COL27A1: variants seen among roughly 807,000 people sequenced by gnomAD.
The protein encoded by COL27A1 is collagen type XXVII alpha 1 chain, also known as collagen alpha-1(XXVII) chain.
Under a neutral mutation model 251.3 loss-of-function variants are expected in COL27A1, and 106 were observed. The ratio of observed to expected loss-of-function variants is 0.42; its 90% CI spans 0.36 to 0.50. The LOEUF is 0.50. Ranked by LOEUF, COL27A1 falls within the 20% of genes least tolerant of loss-of-function variation. The pLI is 0.00. For synonymous variants in COL27A1, 1,000 were observed against 986.3 expected (o/e 1.01, Z -0.26); for missense variants, 2,325 against 2,522.8 (o/e 0.92, Z 1.68).
chr9:114,248,770 A>T (rs1344433234), intron 24 of COL27A1, among the ~76,000 whole-genome samples: 3 of 152,002 alleles, frequency 2.0e-5, no homozygotes, highest in Admixed American at 1.3e-4. Context: ...GAGGTTTATG[A>T]CCCGCTTGCC....
chr9:114,228,195 A>T (rs1831644507), intron 14 of COL27A1, among the ~76,000 whole-genome samples: 2 of 152,194 alleles, frequency 1.3e-5, no homozygotes, highest in South Asian at 4.1e-4. Flanking sequence ...CCGAGGCCCC[A>T]CAAAGGTGAC....
chr9:114,286,101 T>C (rs1827462719), intron 41 of COL27A1, among the ~76,000 whole-genome samples: 1 of 152,136 alleles, frequency 6.6e-6, no homozygotes, highest in Non-Finnish European at 1.5e-5. Context: ...TATGGAGGAT[T>C]TAGTGTGTTC....
In COL27A1 at chr9:114,217,335, C is replaced by T. The variant is rs540111648; in HGVS notation, c.2368-2456C>T. Among the ~76,000 whole-genome samples the T allele has an allele frequency of 7.9e-5, 12 of 152,302 alleles. No homozygotes were observed. In the East Asian group the frequency reaches 2.3e-3, roughly 30 times the overall value. On this transcript the variant is annotated intron_variant, in intron 12 of 60. Coordinates refer to ENST00000356083, the MANE Select transcript of COL27A1 (RefSeq NM_032888.4). ...GCACCCTTCATGTGGCATCTCAGCT[C>T]ATCCTCACAGCACTCCCTTTTGGAT...
chr9:114,182,107 G>C (rs1827963822), intron 4 of COL27A1, among the ~76,000 whole-genome samples: 1 of 151,770 alleles, frequency 6.6e-6, no homozygotes, highest in South Asian at 2.1e-4. Flanking sequence ...AGAAGGCCAA[G>C]GCAGGAGGAT....
At chr9:114,210,291 G>T (rs1299009643) in intron 11 of COL27A1, among the ~76,000 whole-genome samples, 1 of 152,218 alleles carries the variant, frequency 6.6e-6, no homozygotes, top group Non-Finnish European at 1.5e-5. Context: ...GACAGAGACC[G>T]TATGGCCCAC....
At chr9:114,307,083 GTC>G in intron 58 of COL27A1, 1 of 200,960 alleles carries the variant, frequency 5.0e-6, no homozygotes, top group South Asian at 8.8e-5. Context: ...GAGTTCCAAT[GTC>G]AGTTCTGCCT....
chr9:114,307,549 C>T, intron 58 of COL27A1, 120 bp from the exon 59 acceptor site: 1 of 733,630 alleles, frequency 1.4e-6, no homozygotes, highest in Admixed American at 1.9e-5. Flanking sequence ...TGCTCACCCA[C>T]CCTGACTTCA....
intron 39 of COL27A1, among the ~76,000 whole-genome samples, chr9:114,283,361 TGA>T (rs1170837472): frequency 6.6e-6 from 1 of 152,254 alleles, no homozygotes; most frequent in Non-Finnish European, 1.5e-5. Flanking sequence ...AGATGAGTTT[TGA>T]GTATCCTCTA....
At chr9:114,171,018 G>C (rs1485003635) in intron 3 of COL27A1, among the ~76,000 whole-genome samples, 2 of 152,230 alleles carry the variant, frequency 1.3e-5, no homozygotes, top group African/African-American at 4.8e-5. Context: ...GTGGTGTGGA[G>C]AGAGGAGCGG....
chr9:114,309,301 C>A lies in COL27A1; in HGVS notation c.5259C>A (p.His1753Gln), dbSNP rs539865295. The change falls in exon 60 of 61, where the codon CAC (histidine) becomes CAA (glutamine). Residue 1753 changes from histidine to glutamine, a missense_variant. Physicochemically the swap from His to Gln is conservative, Grantham distance 24. Around this residue, in one of 4 missense-constraint regions of COL27A1, gnomAD observed 327 missense variants for 442.8 expected, o/e 0.74. Coordinates refer to ENST00000356083, the MANE Select transcript of COL27A1 (RefSeq NM_032888.4). ...GCCGGGTCCAGATGAATTTCCTGCA[C>A]CTGCTAAGCTCCGAGGTGACCCAGC... is the stretch of plus-strand genomic sequence containing the variant. The part of the protein sequence containing the change: ...AISRVQMNFL[H>Q]LLSSEVTQHI... 6.2e-6 allele frequency: 10 copies of A among 1,614,130 alleles called. No individual in the cohort carries two copies. In the South Asian group the frequency reaches 9.9e-5, roughly 16 times the overall value.
rs75458112 is a variant in COL27A1 at position 114,181,898 on chromosome 9, C to T, written c.1963-1124C>T. Among the ~76,000 whole-genome samples the T allele has an allele frequency of 5.2e-3, 797 of 152,332 alleles. 6 individuals are homozygous for T. The highest frequency in any genetic ancestry group is 0.014 in the Middle Eastern group (4 of 294). On this transcript the variant is annotated intron_variant, in intron 4 of 60. Transcript: ENST00000356083. ...TCTGGGTCCAGTGTTCCCAGGTGCT[C>T]TGTGGTCTCTGGAAGACCTTGAAAG...
intron 3 of COL27A1, among the ~76,000 whole-genome samples, chr9:114,174,441 G>A (rs1849543414): frequency 6.6e-6 from 1 of 152,144 alleles, no homozygotes; most frequent in Non-Finnish European, 1.5e-5. Flanking sequence ...GGCCATGGGC[G>A]AATACAGCTG....
intron 36 of COL27A1, chr9:114,271,101 T>G (rs1835107178): frequency 2.7e-6 from 1 of 371,772 alleles, no homozygotes. Flanking sequence ...AGAGCCAGAG[T>G]CTTTGGTCTC....
chr9:114,239,749 A>G (rs1191301917), intron 19 of COL27A1, among the ~76,000 whole-genome samples: 1 of 152,248 alleles, frequency 6.6e-6, no homozygotes, highest in Non-Finnish European at 1.5e-5. Context: ...TAAGCTTACG[A>G]TGACTGGAGC....
chr9:114,237,586 C>A, intron 18 of COL27A1, 76 bp from the exon 19 acceptor site: 1 of 1,233,116 alleles, frequency 8.1e-7, no homozygotes, highest in Non-Finnish European at 1.2e-6. Flanking sequence ...CATCCACAAC[C>A]AGCGGGGGAA....
chr9:114,231,848 C>G lies in COL27A1; in HGVS notation c.2547C>G (p.Pro849=), dbSNP rs144760825. 3 of 1,614,140 alleles carry G rather than the reference C, an allele frequency of 1.9e-6. No homozygotes were observed. Among genetic ancestry groups the G allele is most frequent in the South Asian group, 2.2e-5 (2 of 91,074 alleles). ...MKGLMGSVGE[P]GLKGDKGEQG... is the part of the protein sequence containing the mutation. ...GACTGATGGGCAGCGTGGGGGAGCC[C>G]GGACTGAAAGGTGATAAGGTGATCT... The change falls in exon 16 of 61, where the codon CCC becomes CCG. Residue 849 remains proline, a synonymous_variant. Transcript: ENST00000356083.
At chr9:114,196,365 G>A (rs1366598522) in intron 7 of COL27A1, among the ~76,000 whole-genome samples, 1 of 152,202 alleles carries the variant, frequency 6.6e-6, no homozygotes, top group East Asian at 1.9e-4. Context: ...ACCACCCACT[G>A]TCTGAGAGGC....
chr9:114,274,302 C>T (rs533912573), intron 36 of COL27A1: 7 of 152,076 alleles, frequency 4.6e-5, no homozygotes, highest in East Asian at 3.9e-4. Context: ...CCCAAAGGTC[C>T]GAAGCCCCAA....
At chr9:114,306,847 T>C (rs1021406793) in intron 58 of COL27A1, among the ~76,000 whole-genome samples, 159 bp downstream of exon 58, 5 of 152,168 alleles carry the variant, frequency 3.3e-5, no homozygotes, top group Non-Finnish European at 5.9e-5. Flanking sequence ...AGCCTCACAA[T>C]ATACCAAGAT....
Sources: gnomAD v4.1 joint callset for allele counts (sites outside exome capture counted in the v4.1 genomes callset) on GRCh38, gnomAD v4.1.1 for gene constraint, gnomAD v4.1.1 regional missense constraint, MANE v1.5 for transcripts, NCBI Gene and HGNC (gene_info 2026-07-23, HGNC 2026-07-21) for gene names.